OSBPL8: variants seen among roughly 807,000 people sequenced by gnomAD.
OSBPL8 encodes oxysterol-binding protein-related protein 8.
OSBPL8 carries 59 observed loss-of-function variants against 125.5 expected under a neutral mutation model. That is an observed-to-expected ratio of 0.47 (90% CI 0.38 to 0.58). The LOEUF (loss-of-function observed/expected upper bound fraction) is 0.58, where lower values mean the gene tolerates loss of function less well. OSBPL8 is among the 20% of genes least tolerant of loss of function. The pLI is 0.00. For synonymous variants in OSBPL8, 330 were observed against 338.9 expected (o/e 0.97, Z 0.29); for missense variants, 758 against 1,047.8 (o/e 0.72, Z 3.82).
chr12:76,499,358 T>TATCTATCATCTATCTATCTATCTA (rs1555231538), intron 1 of OSBPL8, among the ~76,000 whole-genome samples: 1 of 100,632 alleles, frequency 9.9e-6, no homozygotes, highest in African/African-American at 3.6e-5. Flanking sequence ...ATCATCTATC[T>TATCTATCATCTATCTATCTATCTA]ATCTATCTAA....
At chr12:76,411,758 A>G (rs148002470) in intron 4 of OSBPL8, among the ~76,000 whole-genome samples, 1 of 152,160 alleles carries the variant, frequency 6.6e-6, no homozygotes. Flanking sequence ...ATTTTAAATG[A>G]AACTAGTTAG....
At chr12:76,405,922 C>T (rs1954243432) in intron 5 of OSBPL8, among the ~76,000 whole-genome samples, 1 of 152,104 alleles carries the variant, frequency 6.6e-6, no homozygotes, top group Admixed American at 6.5e-5. Flanking sequence ...TTCTTTCCTT[C>T]TCTTTTTCTT....
intron 21 of OSBPL8, among the ~76,000 whole-genome samples, chr12:76,362,434 CAT>C (rs1372463632): frequency 6.6e-6 from 1 of 152,168 alleles, no homozygotes; most frequent in Non-Finnish European, 1.5e-5. Context: ...ACAAAAACCA[CAT>C]GATTATCTCA....
intron 14 of OSBPL8, 55 bp from the exon 15 acceptor site, chr12:76,384,405 A>T: frequency 4.1e-6 from 4 of 987,010 alleles, no homozygotes; most frequent in Non-Finnish European, 5.7e-6. Context: ...TGTTTATATA[A>T]AATATAAAAA....
At chr12:76,388,643 T>C (rs1200804498) in intron 12 of OSBPL8, among the ~76,000 whole-genome samples, 1 of 152,218 alleles carries the variant, frequency 6.6e-6, no homozygotes, top group Non-Finnish European at 1.5e-5. Context: ...TTCCTTATTT[T>C]GCATGAGGTT....
chr12:76,499,687 C>T (rs1879696104), intron 1 of OSBPL8, among the ~76,000 whole-genome samples: 1 of 152,038 alleles, frequency 6.6e-6, no homozygotes, highest in African/African-American at 2.4e-5. Context: ...CTCGTCTCTA[C>T]TAAAAATACA....
intron 18 of OSBPL8, among the ~76,000 whole-genome samples, chr12:76,372,744 A>G (rs548172051): frequency 6.6e-6 from 1 of 152,316 alleles, no homozygotes; most frequent in Non-Finnish European, 1.5e-5. Flanking sequence ...AATTACATAA[A>G]TATGAATTTA....
At chr12:76,475,006 T>C (rs997462626) in intron 2 of OSBPL8, among the ~76,000 whole-genome samples, 15 of 152,328 alleles carry the variant, frequency 9.8e-5, no homozygotes, top group Non-Finnish European at 1.9e-4. Flanking sequence ...CTACTGTCAC[T>C]AGAAAGACAG....
intron 1 of OSBPL8, among the ~76,000 whole-genome samples, chr12:76,552,606 C>T (rs1835465865): frequency 2.0e-5 from 3 of 152,170 alleles, no homozygotes; most frequent in African/African-American, 7.2e-5. Flanking sequence ...CTATTTCCTT[C>T]ACTAGTCATA....
At chr12:76,408,410 C>T (rs528440441) in intron 5 of OSBPL8, among the ~76,000 whole-genome samples, 5 of 146,722 alleles carry the variant, frequency 3.4e-5, no homozygotes, top group African/African-American at 1.0e-4. Context: ...TGCAGTGAGC[C>T]GAGATCGCAC....
At chr12:76,448,448 C>T (rs566118669) in intron 4 of OSBPL8, among the ~76,000 whole-genome samples, 2 of 151,672 alleles carry the variant, frequency 1.3e-5, no homozygotes, top group East Asian at 3.9e-4. Context: ...TTCTGATGCA[C>T]AGTGCAAAAA....
intron 4 of OSBPL8, among the ~76,000 whole-genome samples, chr12:76,436,267 T>C (rs1308355249): frequency 6.6e-6 from 1 of 152,174 alleles, no homozygotes; most frequent in Non-Finnish European, 1.5e-5. Context: ...TCCTGAATGA[T>C]GAGCCTAACA....
Position 76,501,552 on chromosome 12 carries a change from T to C in OSBPL8, c.-67-13934A>G, listed in dbSNP as rs144229207. On this transcript the variant is annotated intron_variant, in intron 1 of 23. Coordinates refer to ENST00000261183, the MANE Select transcript of OSBPL8 (RefSeq NM_020841.5). ...AGAGGTATTTTAATGATCAAGGAAA[T>C]AGGAGAGCCCATTCTGTGATACTAG... Among the ~76,000 whole-genome samples, 335 of 152,258 alleles carry C rather than the reference T, an allele frequency of 2.2e-3. 9 individuals carry two copies. Among genetic ancestry groups the C allele is most frequent in the Admixed American group, 0.019 (287 of 15,300 alleles).
At chr12:76,429,827 C>A (rs933917369) in intron 4 of OSBPL8, among the ~76,000 whole-genome samples, 1 of 151,900 alleles carries the variant, frequency 6.6e-6, no homozygotes, top group African/African-American at 2.4e-5. Flanking sequence ...CCTAAGTCAG[C>A]CAACACAAAT....
In OSBPL8 at chr12:76,389,647, A is replaced by C; in HGVS notation, c.1350T>G (p.Ser450=). 1 of 1,551,212 alleles carries C rather than the reference A, an allele frequency of 6.4e-7. No individual in the cohort carries two copies. ...SDYYYHADFL[S]EAALEENPYF... ...TTAAGAAATAAGAATCTACTTACTCAGATAGGAAATCTGCATGATAGTAGT... is the reference window on the plus strand; with the variant it reads ...TTAAGAAATAAGAATCTACTTACTCCGATAGGAAATCTGCATGATAGTAGT... Residue 450 remains serine, a splice_region_variant and synonymous_variant, in exon 12 of 24, where the codon TCT becomes TCG. Transcript: ENST00000261183.
At chr12:76,504,890 T>G (rs1880260873) in intron 1 of OSBPL8, among the ~76,000 whole-genome samples, 1 of 152,200 alleles carries the variant, frequency 6.6e-6, no homozygotes, top group African/African-American at 2.4e-5. Flanking sequence ...TTCAGGCTTC[T>G]GCATTTCTGG....
Position 76,479,482 on chromosome 12 carries a change from T to G in OSBPL8, c.42+8028A>C, listed in dbSNP as rs78966975. On this transcript the variant is annotated intron_variant, in intron 2 of 23. Transcript: ENST00000261183. ...TCCACTTTTCTAACCCAATTAGAATTCTAATGTATACCACTATCGAAATAA... is the reference window on the plus strand; with the variant it reads ...TCCACTTTTCTAACCCAATTAGAATGCTAATGTATACCACTATCGAAATAA... Among the ~76,000 whole-genome samples the G allele has an allele frequency of 3.2e-3, 494 of 152,342 alleles. 5 individuals are homozygous for G. The highest frequency in any genetic ancestry group is 0.012 in the African/African-American group (479 of 41,590).
At chr12:76,367,616 TAC>T (rs1952469379) in intron 21 of OSBPL8, among the ~76,000 whole-genome samples, 1 of 152,212 alleles carries the variant, frequency 6.6e-6, no homozygotes, top group African/African-American at 2.4e-5. Context: ...ATACGTCATA[TAC>T]GTTTTTTGTT....
At chr12:76,457,788 A>C (rs1233050733) in intron 3 of OSBPL8, among the ~76,000 whole-genome samples, 1 of 152,136 alleles carries the variant, frequency 6.6e-6, no homozygotes. Context: ...TCCATTTGTA[A>C]AAACCCAGTT....
Sources: gnomAD v4.1 joint callset for allele counts (sites outside exome capture counted in the v4.1 genomes callset) on GRCh38, gnomAD v4.1.1 for gene constraint, MANE v1.5 for transcripts, NCBI Gene and HGNC (gene_info 2026-07-23, HGNC 2026-07-21) for gene names.